PCNX4: variants seen among roughly 807,000 people sequenced by gnomAD.
PCNX4 encodes pecanex 4.
In PCNX4, 103 loss-of-function variants were observed where a neutral mutation model predicts 107.2. The observed-to-expected ratio is 0.96, with a 90% CI of 0.82 to 1.13. The LOEUF (loss-of-function observed/expected upper bound fraction) is 1.13. PCNX4 is among the 50% of genes most tolerant of loss of function. The probability of loss-of-function intolerance (pLI) is 0.00; values close to 1 mark genes in which losing one functional copy is unlikely to be tolerated. For missense variants in PCNX4, 1,528 were observed against 1,379.4 expected, an observed-to-expected ratio of 1.11 and a Z score of -1.71; for synonymous variants, 541 against 481.7, an observed-to-expected ratio of 1.12 and a Z score of -1.61.
chr14:60,134,892 T>C lies in PCNX4; in HGVS notation c.*671T>C, dbSNP rs1208180645. 1 of 152,232 alleles carries C rather than the reference T, an allele frequency of 6.6e-6. No homozygotes were observed. Among genetic ancestry groups the C allele is most frequent in the African/African-American group, 2.4e-5 (1 of 41,440 alleles). The allele number at this position is 152,232 out of a possible 1,614,324, so 9.4% of individuals were successfully genotyped here. A position where few individuals can be genotyped will look rare whatever the true frequency, so the allele number is the denominator to read the frequency against. Reference sequence around the variant, plus strand: ...ATTCACAGGAAGAGCAATGTTAGGGTAATCTGCATATGACTACTAAAGCAT... The same window carrying C: ...ATTCACAGGAAGAGCAATGTTAGGGCAATCTGCATATGACTACTAAAGCAT... On this transcript the variant is annotated 3_prime_UTR_variant, in exon 11 of 11. Transcript: ENST00000406854.
At chr14:60,121,169 T>TTTTTTTTTTTTTTTTA in intron 7 of PCNX4, 27 bp from the exon 8 acceptor site, 2 of 1,500,232 alleles carry the variant, frequency 1.3e-6, no homozygotes, top group Non-Finnish European at 1.8e-6. Flanking sequence ...TTCTTTTTTT[T>TTTTTTTTTTTTTTTTA]TTTTTTTTTT....
intron 1 of PCNX4, among the ~76,000 whole-genome samples, chr14:60,097,805 T>G (rs565537388): frequency 6.6e-6 from 1 of 152,308 alleles, no homozygotes; most frequent in African/African-American, 2.4e-5. Context: ...TTTCAAAGAT[T>G]TTTAGCTGAC....
intron 1 of PCNX4, among the ~76,000 whole-genome samples, chr14:60,101,705 A>AT (rs397694994): frequency 6.6e-6 from 1 of 151,998 alleles, no homozygotes; most frequent in Non-Finnish European, 1.5e-5. Flanking sequence ...TATAAAAAAA[A>AT]TAATTAAAAA....
intron 8 of PCNX4, among the ~76,000 whole-genome samples, 188 bp from the exon 9 acceptor site, chr14:60,124,030 C>A (rs1160051956): frequency 6.6e-6 from 1 of 152,016 alleles, no homozygotes; most frequent in Non-Finnish European, 1.5e-5. Context: ...TATTTTTAAT[C>A]TCTATCCAGA....
At chr14:60,133,507 CTG>C (rs1196318354) in intron 10 of PCNX4, 2 of 353,836 alleles carry the variant, frequency 5.7e-6, no homozygotes, top group African/African-American at 2.2e-5. Flanking sequence ...TAAAACTTAA[CTG>C]TGGTGATGGT....
intron 8 of PCNX4, 68 bp downstream of exon 8, chr14:60,121,367 C>A: frequency 7.0e-7 from 1 of 1,437,560 alleles, no homozygotes; most frequent in Non-Finnish European, 9.5e-7. Context: ...CTGTTATGTT[C>A]ACATCAAACA....
At chr14:60,094,072 G>C (rs554121913) in intron 1 of PCNX4, among the ~76,000 whole-genome samples, 24 of 152,200 alleles carry the variant, frequency 1.6e-4, no homozygotes, top group Non-Finnish European at 2.6e-4. Context: ...TTATTGAATT[G>C]TAAGAGTTCT....
intron 10 of PCNX4, among the ~76,000 whole-genome samples, chr14:60,130,912 A>C (rs1449884800): frequency 1.3e-5 from 2 of 152,168 alleles, no homozygotes; most frequent in East Asian, 3.9e-4. Flanking sequence ...GACCAGCCTG[A>C]TGGTAGTAGG....
chr14:60,127,753 C>CG (rs896652716), intron 10 of PCNX4, among the ~76,000 whole-genome samples: 8 of 152,012 alleles, frequency 5.3e-5, no homozygotes, highest in African/African-American at 1.4e-4. Flanking sequence ...ACCCATATAT[C>CG]GGGGGAAAAA....
rs547835037 is a variant in PCNX4 at position 60,124,307 on chromosome 14, A to C, written c.2136A>C (p.Thr712=). 6.2e-7 allele frequency: 1 copy of C among 1,610,708 alleles called. No individual in the cohort carries two copies. Among genetic ancestry groups the C allele is most frequent in the African/African-American group, 1.3e-5 (1 of 75,024 alleles). The change falls in exon 9 of 11, where the codon ACA becomes ACC. Residue 712 remains threonine (T), a synonymous_variant. Coordinates refer to ENST00000406854, the MANE Select transcript of PCNX4 (RefSeq NM_001330177.2). ...VFEDAFEQEY[T]RVCSLNEHFG... The stretch of plus-strand genomic sequence containing the variant: ...AAGATGCTTTTGAGCAAGAATACAC[A>C]AGAGTATGTTCCCTTAATGAACACT...
At chr14:60,120,418 C>T (rs1478656696) in intron 7 of PCNX4, among the ~76,000 whole-genome samples, 1 of 150,540 alleles carries the variant, frequency 6.6e-6, no homozygotes, top group Non-Finnish European at 1.5e-5. Context: ...AGACACAATA[C>T]GAGAGTCTTA....
intron 10 of PCNX4, among the ~76,000 whole-genome samples, chr14:60,131,680 T>C (rs1420587387): frequency 1.3e-5 from 2 of 152,236 alleles, no homozygotes; most frequent in African/African-American, 4.8e-5. Context: ...TTGGCTTCTT[T>C]GTGGAAATTG....
At chr14:60,098,575 G>T (rs1482153302) in intron 1 of PCNX4, among the ~76,000 whole-genome samples, 3 of 152,144 alleles carry the variant, frequency 2.0e-5, no homozygotes, top group Non-Finnish European at 4.4e-5. Context: ...ACTTTCCTTT[G>T]GTTGGGGAGC....
chr14:60,115,290 A>G lies in PCNX4; in HGVS notation c.1186A>G (p.Met396Val). ...CCAGGCTATTGTGGGCTATGGTTTG[A>G]TGATATTACTTATAATACTGTGGAT... The part of the protein sequence containing the change: ...NSQAIVGYGL[M>V]ILLIILWILR... The change falls in exon 4 of 11, where the codon ATG becomes GTG. Residue 396 changes from methionine to valine, a missense_variant. Coordinates refer to ENST00000406854, the MANE Select transcript of PCNX4 (RefSeq NM_001330177.2). The G allele has an allele frequency of 6.2e-7, 1 of 1,610,136 alleles. No individual in the cohort carries two copies. Among genetic ancestry groups the G allele is most frequent in the Non-Finnish European group, 8.5e-7 (1 of 1,177,076 alleles).
Position 60,143,247 on chromosome 14 carries a change from T to C in PCNX4, c.*9026T>C, listed in dbSNP as rs1896327650. ...GCTTCCACATGATTCTATCTGCAAA[T>C]CTCCCTTTTCTGAACTATTATGCTT... is the stretch of plus-strand genomic sequence containing the variant. On this transcript the variant is annotated 3_prime_UTR_variant, in exon 11 of 11. Coordinates refer to ENST00000406854, the MANE Select transcript of PCNX4 (RefSeq NM_001330177.2). The C allele has an allele frequency of 1.3e-5, 2 of 152,150 alleles. No individual in the cohort carries two copies. 9.4% of individuals were successfully genotyped at this position (152,150 alleles called of 1,614,324 possible). A position where few individuals can be genotyped will look rare whatever the true frequency, so the allele number is the denominator to read the frequency against.
At position 60,125,635 on chromosome 14, in the gene PCNX4, A is replaced by T. The variant is rs745662464; in HGVS notation, c.3081-2A>T. On this transcript the variant is annotated splice_acceptor_variant, in intron 9 of 10. Transcript: ENST00000406854. LOFTEE classifies it high-confidence loss of function. ...AATTCTTCGGTTCTCCATTTTTTTT[A>T]GGTATACTCTGAAACTAATGATTGA... The T allele has an allele frequency of 1.4e-6, 2 of 1,456,670 alleles. No individual in the cohort carries two copies. Among genetic ancestry groups the T allele is most frequent in the Non-Finnish European group, 1.8e-6 (2 of 1,101,962 alleles). The allele number at this position is 1,456,670 out of a possible 1,614,324, so 90.2% of individuals were successfully genotyped here.
At chr14:60,125,334 T>C (rs1401647303) in intron 9 of PCNX4, 83 bp downstream of exon 9, 31 of 1,312,124 alleles carry the variant, frequency 2.4e-5, no homozygotes, top group Middle Eastern at 2.0e-4. Flanking sequence ...AAGACAGTTA[T>C]TCGTTTCTAG....
intron 2 of PCNX4, among the ~76,000 whole-genome samples, chr14:60,112,451 A>G (rs143476359): frequency 2.0e-5 from 3 of 152,194 alleles, no homozygotes; most frequent in Non-Finnish European, 2.9e-5. Flanking sequence ...GTGTTTTTCC[A>G]TATTAAAGAA....
At chr14:60,098,856 T>C (rs974886137) in intron 1 of PCNX4, among the ~76,000 whole-genome samples, 43 of 151,860 alleles carry the variant, frequency 2.8e-4, no homozygotes, top group African/African-American at 8.5e-4. Flanking sequence ...GAGAATCGCT[T>C]GAACCCGAGA....
Sources: gnomAD v4.1 joint callset for allele counts (sites outside exome capture counted in the v4.1 genomes callset) on GRCh38, gnomAD v4.1.1 for gene constraint, MANE v1.5 for transcripts, NCBI Gene and HGNC (gene_info 2026-07-23, HGNC 2026-07-21) for gene names.